Variants in TRIP4 observed in about 807,000 individuals in gnomAD.
TRIP4 encodes thyroid hormone receptor interactor 4, also known as activating signal cointegrator 1.
TRIP4 carries 54 observed loss-of-function variants against 81.8 expected under a neutral mutation model. The observed-to-expected ratio is 0.66, with a 90% confidence interval of 0.53 to 0.83. The LOEUF (loss-of-function observed/expected upper bound fraction) is 0.83, where lower values mean the gene tolerates loss of function less well. Among genes scored for constraint, TRIP4 ranks in the 40% least tolerant of loss-of-function variants. TRIP4 has a pLI of 0.00. For missense variants in TRIP4, 662 were observed against 683.6 expected (o/e 0.97, Z 0.35); for synonymous variants, 270 against 242.8 (o/e 1.11, Z -1.04).
intron 9 of TRIP4, among the ~76,000 whole-genome samples, chr15:64,419,766 A>G (rs952995921): frequency 2.0e-5 from 3 of 152,126 alleles, no homozygotes; most frequent in Non-Finnish European, 4.4e-5. Context: ...AAGAAAGATT[A>G]CCTATAATCC....
At chr15:64,440,379 A>G (rs1221357270) in intron 11 of TRIP4, among the ~76,000 whole-genome samples, 1 of 151,746 alleles carries the variant, frequency 6.6e-6, no homozygotes, top group Non-Finnish European at 1.5e-5. Flanking sequence ...TTGTGAGGAT[A>G]CAATGTAAGT....
At position 64,400,765 on chromosome 15, in the gene TRIP4, A is replaced by T; in HGVS notation, c.641A>T (p.Asp214Val). 7 of 1,614,092 alleles carry T rather than the reference A, an allele frequency of 4.3e-6. No homozygotes were observed. The highest frequency in any genetic ancestry group is 5.9e-6 in the Non-Finnish European group (7 of 1,179,984). ...CAGGTGTGTACTCATGAGGAACAAG[A>T]TATTTTACAGCGTGACTCAAACAAG... The part of the protein sequence containing the change: ...GTLVCTHEEQ[D>V]ILQRDSNKSQ... Residue 214 changes from aspartate to valine, a missense_variant, in exon 5 of 13, where the codon GAT becomes GTT. Coordinates refer to ENST00000261884, the MANE Select transcript of TRIP4 (RefSeq NM_016213.5).
intron 4 of TRIP4, among the ~76,000 whole-genome samples, chr15:64,398,682 G>C (rs537631927): frequency 1.8e-4 from 28 of 152,162 alleles, no homozygotes; most frequent in African/African-American, 6.5e-4. Flanking sequence ...GAGCCACTGT[G>C]ACAGAATCCT....
At chr15:64,421,207 G>A (rs1232160994) in intron 9 of TRIP4, among the ~76,000 whole-genome samples, 4 of 151,040 alleles carry the variant, frequency 2.6e-5, no homozygotes, top group Admixed American at 2.0e-4. Flanking sequence ...TCTTGAACCC[G>A]GGAGGTGGAG....
intron 11 of TRIP4, among the ~76,000 whole-genome samples, chr15:64,432,899 A>G (rs918599794): frequency 6.6e-6 from 1 of 152,014 alleles, no homozygotes; most frequent in Admixed American, 6.6e-5. Flanking sequence ...CAACAGAGCA[A>G]GACTCCATCT....
chr15:64,397,814 C>T lies in TRIP4; in HGVS notation c.614C>T (p.Thr205Ile). 1 of 1,614,054 alleles carries T rather than the reference C, an allele frequency of 6.2e-7. No homozygotes were observed. The highest frequency in any genetic ancestry group is 1.1e-5 in the South Asian group (1 of 91,062). ...TCAGGCCCTTGCTTATTCTGTGGCACTCTGGTAAATTATTTCTTTTCTATT... is the reference window on the plus strand; with the variant it reads ...TCAGGCCCTTGCTTATTCTGTGGCATTCTGGTAAATTATTTCTTTTCTATT... ...EGSGPCLFCG[T>I]LVCTHEEQDI... is the part of the protein sequence containing the mutation. The change falls in exon 4 of 13, where the codon ACT becomes ATT. Residue 205 changes from threonine (T) to isoleucine (I), a missense_variant. Coordinates refer to ENST00000261884, the MANE Select transcript of TRIP4 (RefSeq NM_016213.5).
At chr15:64,429,187 G>A (rs1347727699) in intron 11 of TRIP4, among the ~76,000 whole-genome samples, 2 of 151,916 alleles carry the variant, frequency 1.3e-5, no homozygotes, top group African/African-American at 4.8e-5. Context: ...CGTGGTGGCA[G>A]GAGCCTGTAA....
chr15:64,405,941 A>G (rs1232593721), intron 5 of TRIP4, among the ~76,000 whole-genome samples: 2 of 152,224 alleles, frequency 1.3e-5, no homozygotes, highest in Admixed American at 1.3e-4. Flanking sequence ...GCAGTGAGCT[A>G]TGATCACACT....
At chr15:64,419,650 G>T (rs1203578034) in intron 9 of TRIP4, among the ~76,000 whole-genome samples, 3 of 151,974 alleles carry the variant, frequency 2.0e-5, no homozygotes, top group Admixed American at 2.0e-4. Context: ...GAACCACCGC[G>T]CCTGGTGTGT....
chr15:64,426,699 CAAA>C (rs35662517), intron 11 of TRIP4, among the ~76,000 whole-genome samples: 25 of 76,984 alleles, frequency 3.2e-4, no homozygotes, highest in African/African-American at 6.3e-4. Context: ...GACTCTGTCT[CAAA>C]AAAAAAAAAA....
intron 9 of TRIP4, among the ~76,000 whole-genome samples, chr15:64,421,551 G>T (rs1007989458): frequency 6.6e-6 from 1 of 151,532 alleles, no homozygotes; most frequent in African/African-American, 2.4e-5. Context: ...GGCCAGGCTG[G>T]TCTCAAACTC....
At chr15:64,422,167 T>A (rs555552907) in intron 9 of TRIP4, among the ~76,000 whole-genome samples, 3 of 152,290 alleles carry the variant, frequency 2.0e-5, no homozygotes, top group South Asian at 4.1e-4. Context: ...TTAAGCAAGA[T>A]GTGACTGTAG....
At chr15:64,435,647 T>C (rs931239406) in intron 11 of TRIP4, among the ~76,000 whole-genome samples, 2 of 150,718 alleles carry the variant, frequency 1.3e-5, no homozygotes, top group Non-Finnish European at 2.9e-5. Flanking sequence ...TCCAGAGTTT[T>C]AACAACATTA....
chr15:64,416,208 A>G (rs1456736915), intron 8 of TRIP4, among the ~76,000 whole-genome samples: 1 of 152,094 alleles, frequency 6.6e-6, no homozygotes, highest in Non-Finnish European at 1.5e-5. Flanking sequence ...TCCAGCCTGG[A>G]TGACACAGTG....
intron 12 of TRIP4, among the ~76,000 whole-genome samples, chr15:64,452,269 A>AC (rs1892787337): frequency 6.6e-6 from 1 of 152,230 alleles, no homozygotes; most frequent in Non-Finnish European, 1.5e-5. Flanking sequence ...GGCATGAGCC[A>AC]CCATGCCCTG....
chr15:64,388,142 G>A, intron 1 of TRIP4, 178 bp downstream of exon 1: 2 of 1,154,178 alleles, frequency 1.7e-6, no homozygotes, highest in Non-Finnish European at 2.2e-6. Context: ...CTGGAATAGG[G>A]TGTCCGGCTC....
intron 12 of TRIP4, among the ~76,000 whole-genome samples, chr15:64,452,885 A>C (rs1218146455): frequency 6.6e-6 from 1 of 152,154 alleles, no homozygotes; most frequent in African/African-American, 2.4e-5. Context: ...CTTAGGATTA[A>C]AACTGAGTTT....
Position 64,388,351 on chromosome 15 carries a change from G to C in TRIP4, c.101+387G>C, listed in dbSNP as rs925863760. ...ATTGAGACGGAGTCTCTGTCGCCCA[G>C]GCTGGCGTGCGGTGGCGCGATCTTG... On this transcript the variant is annotated intron_variant, in intron 1 of 12. Transcript: ENST00000261884. Among the ~76,000 whole-genome samples the C allele has an allele frequency of 5.9e-5, 9 of 152,274 alleles. No individual in the cohort carries two copies. The East Asian group carries it at 1.7e-3, about 29-fold the overall frequency.
chr15:64,393,475 A>T (rs913115710), intron 1 of TRIP4: 6 of 151,882 alleles, frequency 4.0e-5, no homozygotes, highest in Admixed American at 3.9e-4. Flanking sequence ...GTTAATTTAT[A>T]AGTAATTTTT....
Sources: allele counts gnomAD v4.1 joint callset (sites outside exome capture counted in the v4.1 genomes callset), GRCh38; gene constraint gnomAD v4.1.1; transcripts MANE v1.5; gene names NCBI Gene and HGNC (gene_info 2026-07-23, HGNC 2026-07-21).